Variants in VSTM4 observed in about 807,000 individuals in gnomAD.
VSTM4 encodes V-set and transmembrane domain-containing protein 4.
A neutral mutation model predicts 36.4 loss-of-function variants in VSTM4; 20 were observed. The observed-to-expected ratio is 0.55, with a 90% CI of 0.39 to 0.80. The LOEUF (loss-of-function observed/expected upper bound fraction) is 0.80, where lower values mean the gene tolerates loss of function less well. Ranked by LOEUF, VSTM4 falls within the 30% of genes least tolerant of loss-of-function variation. The pLI, the probability that VSTM4 is intolerant of heterozygous loss-of-function variation, is 0.00. For missense variants in VSTM4, 392 were observed against 404.5 expected, an observed-to-expected ratio of 0.97 and a Z score of 0.26; for synonymous variants, 182 against 173.9, an observed-to-expected ratio of 1.05 and a Z score of -0.37.
At chr10:49,115,182 C>G (rs1455614748) in intron 1 of VSTM4, among the ~76,000 whole-genome samples, 1 of 151,984 alleles carries the variant, frequency 6.6e-6, no homozygotes, top group Non-Finnish European at 1.5e-5. Flanking sequence ...GCGAGAGTAC[C>G]CAGCCCCAGG....
At chr10:49,044,489 TAAAGA>T (rs1347160924) in intron 7 of VSTM4, among the ~76,000 whole-genome samples, 1 of 87,056 alleles carries the variant, frequency 1.1e-5, no homozygotes, top group African/African-American at 4.4e-5. Flanking sequence ...GAGAAAAAAT[TAAAGA>T]AAAGAAGGAA....
intron 2 of VSTM4, among the ~76,000 whole-genome samples, chr10:49,098,829 T>C (rs981345100): frequency 1.3e-5 from 2 of 152,234 alleles, no homozygotes; most frequent in Non-Finnish European, 2.9e-5. Context: ...CATAGGCAGA[T>C]CCACCCATGT....
chr10:49,032,263 C>T (rs1274280387), intron 7 of VSTM4, among the ~76,000 whole-genome samples: 8 of 152,164 alleles, frequency 5.3e-5, no homozygotes, highest in African/African-American at 1.9e-4. Context: ...GGAGAAGTGG[C>T]GAGCATGCAG....
At chr10:49,105,445 G>C (rs1844763584) in intron 2 of VSTM4, among the ~76,000 whole-genome samples, 1 of 151,776 alleles carries the variant, frequency 6.6e-6, no homozygotes, top group Non-Finnish European at 1.5e-5. Context: ...AGAGAGGAAA[G>C]ACGAAGAAGA....
chr10:49,030,994 T>C (rs1024336193), intron 7 of VSTM4, among the ~76,000 whole-genome samples: 2 of 152,182 alleles, frequency 1.3e-5, no homozygotes, highest in Admixed American at 1.3e-4. Context: ...TCATTTCCTC[T>C]CCCCTGTGGT....
intron 7 of VSTM4, among the ~76,000 whole-genome samples, chr10:49,023,703 T>C (rs1169951326): frequency 6.6e-6 from 1 of 152,172 alleles, no homozygotes; most frequent in Non-Finnish European, 1.5e-5. Flanking sequence ...TAAAAATGAA[T>C]GAGGAAGCAC....
At chr10:49,076,888 G>A (rs1225314811) in intron 4 of VSTM4, among the ~76,000 whole-genome samples, 5 of 152,060 alleles carry the variant, frequency 3.3e-5, no homozygotes, top group African/African-American at 4.8e-5. Flanking sequence ...AGAATGGCTC[G>A]GGAACTTGCC....
intron 5 of VSTM4, among the ~76,000 whole-genome samples, chr10:49,051,390 C>CTTTTTTTTTT (rs796786621): frequency 1.5e-5 from 2 of 130,800 alleles, no homozygotes; most frequent in Non-Finnish European, 1.6e-5. Context: ...CAGCTCATTT[C>CTTTTTTTTTT]TTTTTTTTTT....
chr10:49,088,854 C>A (rs1430368444), intron 2 of VSTM4, among the ~76,000 whole-genome samples: 2 of 152,206 alleles, frequency 1.3e-5, no homozygotes, highest in African/African-American at 4.8e-5. Context: ...AGCTTGGTTT[C>A]CAGGAGGCCA....
intron 5 of VSTM4, among the ~76,000 whole-genome samples, chr10:49,061,387 A>G (rs1434660144): frequency 6.6e-6 from 1 of 152,128 alleles, no homozygotes; most frequent in South Asian, 2.1e-4. Flanking sequence ...ATCTGTCTCA[A>G]TTGGGCACCA....
At chr10:49,048,196 G>T (rs1158965595) in intron 6 of VSTM4, among the ~76,000 whole-genome samples, 2 of 152,134 alleles carry the variant, frequency 1.3e-5, no homozygotes, top group East Asian at 1.9e-4. Flanking sequence ...ACATAATCTG[G>T]AATCATCTGT....
intron 4 of VSTM4, 108 bp from the exon 5 acceptor site, chr10:49,064,844 T>G: frequency 8.7e-7 from 1 of 1,144,372 alleles, no homozygotes; most frequent in African/African-American, 1.6e-5. Context: ...CAGGTATTGG[T>G]GCTATACCAC....
Position 49,107,806 on chromosome 10 carries a change from C to G in VSTM4, c.245G>C (p.Arg82Pro), listed in dbSNP as rs146329834. The G allele has an allele frequency of 1.3e-5, 21 of 1,614,252 alleles. No homozygotes were observed. The East Asian group carries it at 4.7e-4, about 36-fold the overall frequency. The change falls in exon 2 of 8, where the codon CGG (arginine) becomes CCG (proline). Residue 82 changes from arginine to proline, a missense_variant. Coordinates refer to ENST00000332853, the MANE Select transcript of VSTM4 (RefSeq NM_001031746.5). ...GAAATTCCCATAGTACTGCACCACCCGGAGCTTGGTCATCTTCACCATCAA... is the reference window on the plus strand; with the variant it reads ...GAAATTCCCATAGTACTGCACCACCGGGAGCTTGGTCATCTTCACCATCAA... The part of the protein sequence containing the change: ...EALMVKMTKL[R>P]VVQYYGNFSR...
At chr10:49,065,502 G>T (rs770620598) in intron 4 of VSTM4, among the ~76,000 whole-genome samples, 15 of 152,206 alleles carry the variant, frequency 9.9e-5, no homozygotes, top group Admixed American at 5.2e-4. Flanking sequence ...TGTGTCACAA[G>T]CAGAGGTGTA....
In VSTM4 at chr10:49,107,535, AG is replaced by A. The variant is rs530132442; in HGVS notation, c.457+58del. On this transcript the variant is annotated intron_variant, in intron 2 of 7. Coordinates refer to ENST00000332853, the MANE Select transcript of VSTM4 (RefSeq NM_001031746.5). ...GGGAGCCCCTGGGTGGTGGCTGCAAAGGGGGGCCTACTGGCCTGCCCCACCA... is the reference window on the plus strand; with the variant it reads ...GGGAGCCCCTGGGTGGTGGCTGCAAAGGGGGCCTACTGGCCTGCCCCACCA... The A allele has an allele frequency of 1.9e-3, 2,847 of 1,533,146 alleles. 5 individuals carry two copies. Among genetic ancestry groups the A allele is most frequent in the Non-Finnish European group, 2.3e-3 (2,580 of 1,139,674 alleles). 95.0% of individuals were successfully genotyped at this position (1,533,146 alleles called of 1,614,324 possible). A position where few individuals can be genotyped will look rare whatever the true frequency, so the allele number is the denominator to read the frequency against.
At chr10:49,099,847 G>A (rs1397201564) in intron 2 of VSTM4, among the ~76,000 whole-genome samples, 1 of 152,116 alleles carries the variant, frequency 6.6e-6, no homozygotes, top group Non-Finnish European at 1.5e-5. Context: ...GCAAAACCCT[G>A]TCTCTACTAA....
chr10:49,022,350 A>G (rs1440280784), intron 7 of VSTM4, among the ~76,000 whole-genome samples: 4 of 152,166 alleles, frequency 2.6e-5, no homozygotes, highest in Admixed American at 2.0e-4. Context: ...GAAATTCCAA[A>G]CAACTAAACC....
chr10:49,059,457 C>T (rs1843837827), intron 5 of VSTM4, among the ~76,000 whole-genome samples: 1 of 152,182 alleles, frequency 6.6e-6, no homozygotes, highest in African/African-American at 2.4e-5. Context: ...GAATGACATC[C>T]TTGCTGTACT....
intron 5 of VSTM4, among the ~76,000 whole-genome samples, chr10:49,058,448 C>T (rs969825487): frequency 1.3e-5 from 2 of 152,142 alleles, no homozygotes; most frequent in South Asian, 2.1e-4. Flanking sequence ...TCCAGCTGAG[C>T]TGCTCTCAGG....
Sources: gnomAD v4.1 joint callset for allele counts (sites outside exome capture counted in the v4.1 genomes callset) on GRCh38, gnomAD v4.1.1 for gene constraint, MANE v1.5 for transcripts, NCBI Gene and HGNC (gene_info 2026-07-23, HGNC 2026-07-21) for gene names.